Variants in RCC2 observed in about 807,000 individuals in gnomAD.
RCC2 encodes protein RCC2.
RCC2 carries 19 observed loss-of-function variants against 64.1 expected under a neutral mutation model. That is an observed-to-expected ratio of 0.30 (90% CI 0.21 to 0.44). The LOEUF (loss-of-function observed/expected upper bound fraction) is 0.44. Among genes scored for constraint, RCC2 ranks in the 20% least tolerant of loss-of-function variants. RCC2 has a pLI of 1.00. For missense variants in RCC2, 508 were observed against 710.4 expected (o/e 0.72, Z 3.24); for synonymous variants, 325 against 279.6 (o/e 1.16, Z -1.62).
chr1:17,416,440 C>G, intron 8 of RCC2, 40 bp downstream of exon 8: 1 of 1,579,922 alleles, frequency 6.3e-7, no homozygotes, highest in African/African-American at 1.3e-5. Context: ...CCCTTCCATC[C>G]TGGTGCGACT....
intron 1 of RCC2, among the ~76,000 whole-genome samples, chr1:17,439,017 A>G (rs1406597919): frequency 2.0e-5 from 3 of 150,230 alleles, no homozygotes; most frequent in Non-Finnish European, 3.0e-5. Flanking sequence ...ATGGCATTTA[A>G]TGCAACGCTC....
At chr1:17,432,718 G>A (rs963802654) in intron 2 of RCC2, among the ~76,000 whole-genome samples, 4 of 152,228 alleles carry the variant, frequency 2.6e-5, no homozygotes, top group Non-Finnish European at 5.9e-5. Context: ...TGGGTGACCT[G>A]GACATTTGGT....
Position 17,438,426 on chromosome 1 carries a change from C to T in RCC2, c.89G>A (p.Gly30Asp). ...CCGCTCGCGCTTCCTGCCCGCCGGG[C>T]CGCCGCGTTTCCTGGGCCCGGCGCG... Reference protein sequence around the residue: ...TARAGPRKRGGPAGRKRERPE... With the variant: ...TARAGPRKRGDPAGRKRERPE... The change falls in exon 2 of 13, where the codon GGC becomes GAC. Residue 30 changes from glycine to aspartate, a missense_variant. Coordinates refer to ENST00000375436, the MANE Select transcript of RCC2 (RefSeq NM_018715.4). 5.5e-6 allele frequency: 7 copies of T among 1,279,238 alleles called. No homozygotes were observed. Among genetic ancestry groups the T allele is most frequent in the South Asian group, 2.7e-5 (1 of 37,406 alleles). The allele number at this position is 1,279,238 out of a possible 1,614,324, so 79.2% of individuals were successfully genotyped here. A position where few individuals can be genotyped will look rare whatever the true frequency, so the allele number is the denominator to read the frequency against.
intron 7 of RCC2, among the ~76,000 whole-genome samples, chr1:17,418,186 A>G (rs866677953): frequency 2.6e-5 from 4 of 151,242 alleles, no homozygotes; most frequent in Non-Finnish European, 4.4e-5. Flanking sequence ...AGGGCGCCTT[A>G]TAACACTCAT....
rs917715555 is a variant in RCC2 at position 17,409,708 on chromosome 1, C to T, written c.1464+266G>A. ...GTGATGGAGACGCGAGCGATGTGCTCGCCCGAGAGTGGATCTGCTGCGGCC... is the reference window on the plus strand; with the variant it reads ...GTGATGGAGACGCGAGCGATGTGCTTGCCCGAGAGTGGATCTGCTGCGGCC... On this transcript the variant is annotated intron_variant, in intron 12 of 12. Coordinates refer to ENST00000375436, the MANE Select transcript of RCC2 (RefSeq NM_018715.4). Among the ~76,000 whole-genome samples, 3 of 152,346 alleles carry T rather than the reference C, an allele frequency of 2.0e-5. No individual in the cohort carries two copies. The South Asian group carries it at 6.2e-4, about 32-fold the overall frequency.
At chr1:17,420,201 TCTC>T (rs2075540638) in intron 7 of RCC2, among the ~76,000 whole-genome samples, 3 of 152,078 alleles carry the variant, frequency 2.0e-5, no homozygotes, top group South Asian at 4.2e-4. Flanking sequence ...ATGCCTGAAT[TCTC>T]CTTTTCCACC....
chr1:17,435,274 A>T (rs2075724098), intron 2 of RCC2, among the ~76,000 whole-genome samples: 1 of 152,232 alleles, frequency 6.6e-6, no homozygotes, highest in Admixed American at 6.5e-5. Flanking sequence ...GCCCCTCAAC[A>T]ATGTAAGTAT....
Position 17,438,121 on chromosome 1 carries a change from G to T in RCC2, c.285+109C>A, listed in dbSNP as rs1286494578. The T allele has an allele frequency of 3.8e-5, 32 of 838,278 alleles. 1 individual carries two copies. The South Asian group carries it at 1.3e-3, about 35-fold the overall frequency. 51.9% of individuals were successfully genotyped at this position (838,278 alleles called of 1,614,324 possible). A position where few individuals can be genotyped will look rare whatever the true frequency, so the allele number is the denominator to read the frequency against. ...CGGCCTGCGCCGGCCCGGCCGCCGGGAGGGAGCGTGACGCGAGGCGGCCCC... is the reference window on the plus strand; with the variant it reads ...CGGCCTGCGCCGGCCCGGCCGCCGGTAGGGAGCGTGACGCGAGGCGGCCCC... On this transcript the variant is annotated intron_variant, in intron 2 of 12. Coordinates refer to ENST00000375436, the MANE Select transcript of RCC2 (RefSeq NM_018715.4).
At chr1:17,413,470 G>T (rs1359676229) in intron 9 of RCC2, 67 bp downstream of exon 9, 5 of 1,512,578 alleles carry the variant, frequency 3.3e-6, no homozygotes, top group African/African-American at 1.4e-5. Flanking sequence ...CGTGGTCTAG[G>T]GACAGGACAA....
intron 2 of RCC2, among the ~76,000 whole-genome samples, chr1:17,435,241 CAT>C (rs1459848033): frequency 6.6e-6 from 1 of 152,218 alleles, no homozygotes; most frequent in Non-Finnish European, 1.5e-5. Context: ...ATAAAATGCA[CAT>C]CTTTTACTCA....
chr1:17,435,354 T>C (rs781194223), intron 2 of RCC2, among the ~76,000 whole-genome samples: 5 of 152,218 alleles, frequency 3.3e-5, no homozygotes, highest in Non-Finnish European at 7.3e-5. Context: ...TTTTGGACAT[T>C]TCCTGGGCGG....
At position 17,420,908 on chromosome 1, in the gene RCC2, A is replaced by G. The variant is rs1337219662; in HGVS notation, c.745-80T>C. On this transcript the variant is annotated intron_variant, in intron 6 of 12. Coordinates refer to ENST00000375436, the MANE Select transcript of RCC2 (RefSeq NM_018715.4). ...CTACCTCTCTGCATGTTGGTGGGAA[A>G]CAATTACTAGGTTACAAACGGAAGT... 4 of 886,780 alleles carry G rather than the reference A, an allele frequency of 4.5e-6. No individual in the cohort carries two copies. The African/African-American group carries it at 6.7e-5, about 15-fold the overall frequency. 54.9% of individuals were successfully genotyped at this position (886,780 alleles called of 1,614,324 possible).
intron 4 of RCC2, among the ~76,000 whole-genome samples, chr1:17,423,603 C>G (rs1222269273): frequency 6.6e-6 from 1 of 152,236 alleles, no homozygotes; most frequent in Non-Finnish European, 1.5e-5. Context: ...GTTGGGTGGG[C>G]CAAAAGGAGG....
At chr1:17,413,956 C>A (rs1461888140) in intron 8 of RCC2, among the ~76,000 whole-genome samples, 1 of 152,146 alleles carries the variant, frequency 6.6e-6, no homozygotes, top group Non-Finnish European at 1.5e-5. Flanking sequence ...CATGGTGAAA[C>A]CCTGTCTCCA....
rs542703345 is a variant in RCC2, at chr1:17,413,796, C to T, written c.1027-79G>A. ...AGAGGGGTCATCGTTTCTGTGCAGA[C>T]AACCTGGTGCAAATGCTAAGGGCAA... On this transcript the variant is annotated intron_variant, in intron 8 of 12. Transcript: ENST00000375436. The T allele has an allele frequency of 5.8e-4, 742 of 1,283,702 alleles. 5 individuals carry two copies. The highest frequency in any genetic ancestry group is 6.5e-4 in the Non-Finnish European group (597 of 913,498). 79.5% of individuals were successfully genotyped at this position (1,283,702 alleles called of 1,614,324 possible). A position where few individuals can be genotyped will look rare whatever the true frequency, so the allele number is the denominator to read the frequency against.
At position 17,422,208 on chromosome 1, in the gene RCC2, C is replaced by A. The variant is rs779181240; in HGVS notation, c.739G>T (p.Ala247Ser). 130 of 1,608,990 alleles carry A rather than the reference C, an allele frequency of 8.1e-5. No homozygotes were observed. Among genetic ancestry groups the A allele is most frequent in the Non-Finnish European group, 1.1e-4 (125 of 1,177,290 alleles). The change falls in exon 6 of 13, where the codon GCG becomes TCG. Residue 247 changes from alanine to serine, a missense_variant. Ala to Ser is a moderately conservative substitution (Grantham distance 99, BLOSUM62 1). Transcript: ENST00000375436. ...GNQTDAVPSP[A>S]QIMYNGQPIT... ...CGGAGCTGAGGAGGGGTCACCTGCG[C>A]GGGGCTGGGAACAGCGTCTGTCTGG...
At chr1:17,423,107 G>A (rs1250034011) in intron 4 of RCC2, among the ~76,000 whole-genome samples, 1 of 152,208 alleles carries the variant, frequency 6.6e-6, no homozygotes, top group African/African-American at 2.4e-5. Flanking sequence ...AAAGGGAAAT[G>A]AGAGGCTCAG....
intron 2 of RCC2, among the ~76,000 whole-genome samples, chr1:17,432,781 C>A (rs1288379710): frequency 6.6e-6 from 1 of 152,174 alleles, no homozygotes; most frequent in East Asian, 1.9e-4. Context: ...TATAGGCAAA[C>A]CCAACCACGC....
intron 2 of RCC2, among the ~76,000 whole-genome samples, chr1:17,433,868 C>T (rs1310506637): frequency 6.6e-6 from 1 of 152,102 alleles, no homozygotes; most frequent in Admixed American, 6.5e-5. Context: ...ATGCCGGCAT[C>T]GACCAATTAC....
Sources: gnomAD v4.1 joint callset for allele counts (sites outside exome capture counted in the v4.1 genomes callset) on GRCh38, gnomAD v4.1.1 for gene constraint, MANE v1.5 for transcripts, NCBI Gene and HGNC (gene_info 2026-07-23, HGNC 2026-07-21) for gene names.